Variants in CACNG4 observed in about 807,000 individuals in gnomAD.
The protein encoded by CACNG4 is voltage-dependent calcium channel gamma-4 subunit.
In CACNG4, 8 loss-of-function variants were observed where a neutral mutation model predicts 22.9. The ratio of observed to expected loss-of-function variants is 0.35; its 90% CI spans 0.21 to 0.63. The LOEUF (loss-of-function observed/expected upper bound fraction) is 0.63, where lower values mean the gene tolerates loss of function less well. Among genes scored for constraint, CACNG4 ranks in the 30% least tolerant of loss-of-function variants. The pLI, the probability that CACNG4 is intolerant of heterozygous loss-of-function variation, is 0.72. For synonymous variants in CACNG4, 188 were observed against 191.9 expected (o/e 0.98, Z 0.17); for missense variants, 357 against 455.4 (o/e 0.78, Z 1.97).
At chr17:66,992,121 T>C (rs2035343877) in intron 1 of CACNG4, among the ~76,000 whole-genome samples, 1 of 150,386 alleles carries the variant, frequency 6.6e-6, no homozygotes, top group Non-Finnish European at 1.5e-5. Flanking sequence ...GAATGTGTTA[T>C]GTCATGTCAC....
chr17:67,013,803 C>CAA (rs35707136), intron 1 of CACNG4, among the ~76,000 whole-genome samples: 67 of 141,004 alleles, frequency 4.8e-4, no homozygotes, highest in Middle Eastern at 3.7e-3. Context: ...AGACTTGTCT[C>CAA]AAAAAAAAAA....
chr17:67,009,803 C>G (rs1341220920), intron 1 of CACNG4, among the ~76,000 whole-genome samples: 1 of 152,116 alleles, frequency 6.6e-6, no homozygotes, highest in African/African-American at 2.4e-5. Context: ...TAAAAGGACT[C>G]TAATCACATT....
intron 1 of CACNG4, among the ~76,000 whole-genome samples, chr17:66,978,580 C>T (rs893597835): frequency 2.0e-5 from 3 of 152,170 alleles, no homozygotes; most frequent in Non-Finnish European, 4.4e-5. Flanking sequence ...CCGGACAGTC[C>T]GGCCAAGGCC....
intron 1 of CACNG4, 36 bp from the exon 2 acceptor site, chr17:67,018,153 G>A (rs2035511467): frequency 6.7e-7 from 1 of 1,494,132 alleles, no homozygotes; most frequent in Admixed American, 1.7e-5. Flanking sequence ...AACCCAGACA[G>A]CATTTACAGT....
intron 1 of CACNG4, among the ~76,000 whole-genome samples, chr17:66,967,905 A>C (rs1206620125): frequency 6.6e-6 from 1 of 152,196 alleles, no homozygotes; most frequent in East Asian, 1.9e-4. Flanking sequence ...TACGTGCAAA[A>C]GACTGTTGCT....
chr17:66,991,022 C>G (rs1470070190), intron 1 of CACNG4, among the ~76,000 whole-genome samples: 1 of 152,100 alleles, frequency 6.6e-6, no homozygotes, highest in Non-Finnish European at 1.5e-5. Flanking sequence ...ATACCAGACT[C>G]AAAGGGCTGA....
intron 1 of CACNG4, among the ~76,000 whole-genome samples, chr17:66,999,301 C>G (rs150989044): frequency 6.3e-5 from 9 of 141,974 alleles, no homozygotes; most frequent in Non-Finnish European, 1.1e-4. Flanking sequence ...TGGTGGTGGT[C>G]ATTGTGGTAG....
intron 1 of CACNG4, among the ~76,000 whole-genome samples, chr17:66,991,620 G>A (rs1462037523): frequency 6.6e-6 from 1 of 152,210 alleles, no homozygotes; most frequent in Non-Finnish European, 1.5e-5. Flanking sequence ...CTGCGAGGAT[G>A]TGTGTCAGTT....
intron 1 of CACNG4, among the ~76,000 whole-genome samples, chr17:66,969,634 C>G (rs1361534839): frequency 6.6e-6 from 1 of 152,166 alleles, no homozygotes; most frequent in Non-Finnish European, 1.5e-5. Context: ...GCCCTGCACC[C>G]TGGGGAGGGG....
rs67051865 is a variant in CACNG4, at chr17:66,980,620, C to CTTTTTTTTTTTTTTT, written c.220+15495_220+15509dup. Among the ~76,000 whole-genome samples the CTTTTTTTTTTTTTTT allele has an allele frequency of 4.2e-4, 45 of 107,032 alleles. 1 individual carries two copies. The highest frequency in any genetic ancestry group is 1.2e-3 in the African/African-American group (30 of 25,134). 70.2% of individuals were successfully genotyped at this position (107,032 alleles called of 152,430 possible). ...ATTGACAATTCCCTTTGTGTAAATT[C>CTTTTTTTTTTTTTTT]TTTTTTTTTTTTTTTTTTTTGAGAC... On this transcript the variant is annotated intron_variant, in intron 1 of 3. Transcript: ENST00000262138.
At chr17:66,988,551 C>A (rs1419740203) in intron 1 of CACNG4, among the ~76,000 whole-genome samples, 1 of 152,162 alleles carries the variant, frequency 6.6e-6, no homozygotes, top group Admixed American at 6.5e-5. Flanking sequence ...ATCACTTGCC[C>A]CCTCGCCTCG....
At chr17:66,974,353 G>A (rs1011720497) in intron 1 of CACNG4, among the ~76,000 whole-genome samples, 2 of 152,158 alleles carry the variant, frequency 1.3e-5, no homozygotes, top group East Asian at 1.9e-4. Context: ...TAGAAAAAAC[G>A]ATGCCCCTTA....
At chr17:67,004,643 C>A (rs1033484453) in intron 1 of CACNG4, among the ~76,000 whole-genome samples, 1 of 152,206 alleles carries the variant, frequency 6.6e-6, no homozygotes, top group Admixed American at 6.5e-5. Context: ...CTCCCTCCCC[C>A]AGTGAAGGTA....
At chr17:66,965,240 C>T (rs2035162051) in intron 1 of CACNG4, 109 bp downstream of exon 1, 3 of 658,562 alleles carry the variant, frequency 4.6e-6, no homozygotes, top group Admixed American at 3.5e-5. Flanking sequence ...ACACACTGCC[C>T]GGCGCGCGGG....
intron 1 of CACNG4, among the ~76,000 whole-genome samples, chr17:66,988,191 C>T (rs754423430): frequency 2.6e-4 from 40 of 152,126 alleles, no homozygotes; most frequent in Non-Finnish European, 4.9e-4. Flanking sequence ...CATCACACAG[C>T]GTCTGCAGTT....
chr17:66,976,484 C>G (rs995835777), intron 1 of CACNG4, among the ~76,000 whole-genome samples: 5 of 150,608 alleles, frequency 3.3e-5, no homozygotes, highest in African/African-American at 9.8e-5. Flanking sequence ...TCCAGCTTTC[C>G]TCTATCCTCT....
chr17:66,976,791 C>T (rs1289953289), intron 1 of CACNG4, among the ~76,000 whole-genome samples: 1 of 152,184 alleles, frequency 6.6e-6, no homozygotes, highest in Admixed American at 6.5e-5. Flanking sequence ...CTTGGAAACA[C>T]TGTTGGCTGT....
At chr17:67,008,185 C>T (rs1255649578) in intron 1 of CACNG4, among the ~76,000 whole-genome samples, 1 of 152,202 alleles carries the variant, frequency 6.6e-6, no homozygotes, top group Admixed American at 6.5e-5. Context: ...ACGAGGGTCT[C>T]ATGGAGAGCC....
At chr17:67,009,062 A>G (rs2035453368) in intron 1 of CACNG4, among the ~76,000 whole-genome samples, 1 of 152,130 alleles carries the variant, frequency 6.6e-6, no homozygotes, top group African/African-American at 2.4e-5. Flanking sequence ...TATGATATGA[A>G]GAGAAGGCAG....
Sources: gnomAD v4.1 joint callset for allele counts (sites outside exome capture counted in the v4.1 genomes callset) on GRCh38, gnomAD v4.1.1 for gene constraint, MANE v1.5 for transcripts, NCBI Gene and HGNC (gene_info 2026-07-23, HGNC 2026-07-21) for gene names.